The following TEX14 variants were observed in gnomAD, a reference collection of about 807,000 sequenced individuals.
TEX14 encodes the protein inactive serine/threonine-protein kinase TEX14.
A neutral mutation model predicts 178.6 loss-of-function variants in TEX14; 168 were observed. That is an observed-to-expected ratio of 0.94 (90% confidence interval 0.83 to 1.07). The LOEUF (loss-of-function observed/expected upper bound fraction) is 1.07. TEX14 is among the 50% of genes least tolerant of loss of function. The pLI, the probability that TEX14 is intolerant of heterozygous loss-of-function variation, is 0.00. For missense variants in TEX14, 1,730 were observed against 1,753.6 expected (o/e 0.99, Z 0.24); for synonymous variants, 626 against 634.1 (o/e 0.99, Z 0.19).
intron 3 of TEX14, among the ~76,000 whole-genome samples, chr17:58,626,085 G>A (rs192779848): frequency 9.2e-5 from 14 of 152,124 alleles, no homozygotes; most frequent in African/African-American, 2.4e-4. Context: ...TGGGATTTCC[G>A]GCTCTTGGAA....
At chr17:58,659,265 T>C (rs1200179770) in intron 1 of TEX14, 2 of 835,478 alleles carry the variant, frequency 2.4e-6, no homozygotes, top group Non-Finnish European at 2.9e-6. Flanking sequence ...GAAAAACACT[T>C]TATCAGGACC....
intron 1 of TEX14, among the ~76,000 whole-genome samples, chr17:58,675,912 A>G (rs2047386665): frequency 1.3e-5 from 2 of 152,198 alleles, no homozygotes; most frequent in African/African-American, 4.8e-5. Flanking sequence ...TTAAATTGAT[A>G]TATCATAGTA....
intron 2 of TEX14, among the ~76,000 whole-genome samples, chr17:58,637,825 T>C (rs572508466): frequency 7.5e-4 from 113 of 151,644 alleles, no homozygotes; most frequent in Non-Finnish European, 4.9e-4. Flanking sequence ...GTACAGTCAA[T>C]CATAAGAAGT....
At chr17:58,615,174 A>C in intron 8 of TEX14, 58 bp downstream of exon 8, 6 of 1,000,414 alleles carry the variant, frequency 6.0e-6, no homozygotes, top group Non-Finnish European at 9.4e-6. Context: ...TGAATAGCCC[A>C]GAACCTGAGT....
At chr17:58,618,545 T>C (rs1048864973) in intron 5 of TEX14, among the ~76,000 whole-genome samples, 1 of 152,208 alleles carries the variant, frequency 6.6e-6, no homozygotes, top group Non-Finnish European at 1.5e-5. Flanking sequence ...TGCCATGCAG[T>C]AGGTGCTCAG....
intron 11 of TEX14, among the ~76,000 whole-genome samples, chr17:58,604,412 A>C (rs945085367): frequency 2.0e-5 from 3 of 151,262 alleles, no homozygotes; most frequent in Non-Finnish European, 4.4e-5. Flanking sequence ...CAGAGGTTGC[A>C]GTAAACCGAG....
intron 17 of TEX14, among the ~76,000 whole-genome samples, chr17:58,587,134 T>C (rs1283617311): frequency 6.6e-6 from 1 of 152,208 alleles, no homozygotes; most frequent in African/African-American, 2.4e-5. Flanking sequence ...TTTAGAAGTA[T>C]GGTGATGTAT....
chr17:58,570,615 C>T, intron 24 of TEX14, 131 bp from the exon 25 acceptor site: 1 of 329,066 alleles, frequency 3.0e-6, no homozygotes, highest in Non-Finnish European at 5.2e-6. Flanking sequence ...TGGGAAGCCT[C>T]CTTTTTTTTT....
At chr17:58,629,784 G>A (rs1397740720) in intron 3 of TEX14, among the ~76,000 whole-genome samples, 5 of 144,120 alleles carry the variant, frequency 3.5e-5, no homozygotes, top group South Asian at 2.2e-4. Context: ...GCAGTGAGCC[G>A]AGATCGCACC....
At chr17:58,645,519 C>T (rs1416759390) in intron 2 of TEX14, among the ~76,000 whole-genome samples, 1 of 152,002 alleles carries the variant, frequency 6.6e-6, no homozygotes, top group Non-Finnish European at 1.5e-5. Context: ...CCACCGCGCC[C>T]GACTAATTTT....
chr17:58,603,918 TG>T (rs2045540815), intron 11 of TEX14, among the ~76,000 whole-genome samples: 10 of 150,092 alleles, frequency 6.7e-5, no homozygotes, highest in African/African-American at 2.5e-4. Flanking sequence ...TGTGTGTGTG[TG>T]TGTGTGTGTG....
chr17:58,641,973 T>C (rs2046586390), intron 2 of TEX14, among the ~76,000 whole-genome samples: 1 of 152,214 alleles, frequency 6.6e-6, no homozygotes, highest in South Asian at 2.1e-4. Flanking sequence ...AAGTCCCTGT[T>C]CTTTCTGGTA....
rs572277868 is a variant in TEX14 at position 58,686,975 on chromosome 17, GA to G, written c.-2+4963del. On this transcript the variant is annotated intron_variant, in intron 1 of 31. Transcript: ENST00000349033. Reference sequence around the variant, plus strand: ...AGCAACCTCCATCTTTGGGGTTCAGGAGATTCTCCTGCCTCAGTCTCCCGAG... The same window carrying G: ...AGCAACCTCCATCTTTGGGGTTCAGGGATTCTCCTGCCTCAGTCTCCCGAG... Among the ~76,000 whole-genome samples the G allele has an allele frequency of 1.5e-3, 226 of 149,818 alleles. 1 individual carries two copies. Among genetic ancestry groups the G allele is most frequent in the African/African-American group, 5.4e-3 (218 of 40,712 alleles).
intron 1 of TEX14, among the ~76,000 whole-genome samples, chr17:58,686,950 A>G (rs1179310126): frequency 7.6e-6 from 1 of 132,370 alleles, no homozygotes. Context: ...CTCAGCTCAC[A>G]GCAACCTCCA....
At chr17:58,659,259 A>G (rs1318811972) in intron 1 of TEX14, 3 of 796,342 alleles carry the variant, frequency 3.8e-6, no homozygotes, top group East Asian at 1.2e-4. Flanking sequence ...CCCCAAGAAA[A>G]ACACTTTATC....
At position 58,621,643 on chromosome 17, in the gene TEX14, T is replaced by C. The variant is rs1020526081; in HGVS notation, c.554+7A>G. On this transcript the variant is annotated splice_region_variant and intron_variant, in intron 5 of 31. Transcript: ENST00000349033. ...GACTATCCCACTCTGCTCAAGGCAG[T>C]ACTCACCCCTGCACGAGGCCCCCAC... 1 of 1,611,830 alleles carries C rather than the reference T, an allele frequency of 6.2e-7. No individual in the cohort carries two copies. The highest frequency in any genetic ancestry group is 1.7e-5 in the Admixed American group (1 of 59,754).
At chr17:58,609,266 C>A (rs991490761) in intron 10 of TEX14, among the ~76,000 whole-genome samples, 5 of 152,184 alleles carry the variant, frequency 3.3e-5, no homozygotes, top group African/African-American at 1.2e-4. Context: ...CCTGCCACCA[C>A]GCCCGGCTAA....
At chr17:58,631,464 C>T (rs2046286799) in intron 2 of TEX14, among the ~76,000 whole-genome samples, 1 of 152,080 alleles carries the variant, frequency 6.6e-6, no homozygotes, top group South Asian at 2.1e-4. Flanking sequence ...TAAAAATGCA[C>T]ATATCTCACA....
At chr17:58,584,090 G>C (rs769306483) in intron 19 of TEX14, among the ~76,000 whole-genome samples, 1 of 152,152 alleles carries the variant, frequency 6.6e-6, no homozygotes, top group Non-Finnish European at 1.5e-5. Flanking sequence ...CACTGAGCTG[G>C]GTGCTGAGTT....
Sources: allele counts gnomAD v4.1 joint callset (sites outside exome capture counted in the v4.1 genomes callset), GRCh38; gene constraint gnomAD v4.1.1; transcripts MANE v1.5; gene names NCBI Gene and HGNC (gene_info 2026-07-23, HGNC 2026-07-21).